SYNE1: variants seen among roughly 807,000 people sequenced by gnomAD.
SYNE1 encodes nesprin-1.
In SYNE1, 616 loss-of-function variants were observed where a neutral mutation model predicts 1,111.0. The observed-to-expected ratio is 0.55, with a 90% CI of 0.52 to 0.59. The LOEUF (loss-of-function observed/expected upper bound fraction) is 0.59. Among genes scored for constraint, SYNE1 ranks in the 20% least tolerant of loss-of-function variants. The pLI, the probability that SYNE1 is intolerant of heterozygous loss-of-function variation, is 0.00. For synonymous variants in SYNE1, 3,855 were observed against 3,825.8 expected, an observed-to-expected ratio of 1.01 and a Z score of -0.28; for missense variants, 10,006 against 10,417.0, an observed-to-expected ratio of 0.96 and a Z score of 1.72.
Position 152,331,780 on chromosome 6 carries a change from A to G in SYNE1, c.12905T>C (p.Met4302Thr), listed in dbSNP as rs1563136206. Residue 4302 changes from methionine (M) to threonine (T), a missense_variant, in exon 78 of 146, where the codon ATG (methionine) becomes ACG (threonine). Coordinates refer to ENST00000367255, the MANE Select transcript of SYNE1 (RefSeq NM_182961.4). Reference sequence around the variant, plus strand: ...GTCATCTAAATTCAGATGCTCTATCATTTTCTGCTTTTGATCTTTCAGATC... The same window carrying G: ...GTCATCTAAATTCAGATGCTCTATCGTTTTCTGCTTTTGATCTTTCAGATC... ...IEDLKDQKQK[M>T]IEHLNLDDKE... 6.2e-7 allele frequency: 1 copy of G among 1,614,028 alleles called. No individual in the cohort carries two copies. Among genetic ancestry groups the G allele is most frequent in the Non-Finnish European group, 8.5e-7 (1 of 1,180,006 alleles).
rs555436565 is a variant in SYNE1, at chr6:152,310,292, A to T, written c.17019+104T>A. 5.4e-4 allele frequency: 798 copies of T among 1,477,238 alleles called. 1 individual carries two copies. The highest frequency in any genetic ancestry group is 6.7e-4 in the Non-Finnish European group (719 of 1,079,702). 91.5% of individuals were successfully genotyped at this position (1,477,238 alleles called of 1,614,324 possible). A position where few individuals can be genotyped will look rare whatever the true frequency, so the allele number is the denominator to read the frequency against. On this transcript the variant is annotated intron_variant, in intron 89 of 145. Transcript: ENST00000367255. ...CCCTGTCTCTATTTAAAAATAAATTAAAAAAAATAAAACAGTGTTGAGTTT... is the reference window on the plus strand; with the variant it reads ...CCCTGTCTCTATTTAAAAATAAATTTAAAAAAATAAAACAGTGTTGAGTTT...
intron 12 of SYNE1, among the ~76,000 whole-genome samples, chr6:152,487,270 G>T (rs2098946110): frequency 6.6e-6 from 1 of 152,110 alleles, no homozygotes; most frequent in Admixed American, 6.5e-5. Context: ...TCATTGTTCA[G>T]CTCCCACTTA....
chr6:152,248,999 T>C, intron 105 of SYNE1, among the ~76,000 whole-genome samples, 162 bp downstream of exon 105: 1 of 152,196 alleles, frequency 6.6e-6, no homozygotes. Context: ...ACAGAGTCAA[T>C]GTCACCTGGT....
At chr6:152,584,938 A>C (rs1419821932) in intron 3 of SYNE1, among the ~76,000 whole-genome samples, 1 of 152,220 alleles carries the variant, frequency 6.6e-6, no homozygotes, top group Non-Finnish European at 1.5e-5. Flanking sequence ...GAAACATAAG[A>C]TGTTTTTAGC....
At chr6:152,251,240 C>T (rs1050434728) in intron 104 of SYNE1, among the ~76,000 whole-genome samples, 40 of 151,948 alleles carry the variant, frequency 2.6e-4, no homozygotes, top group African/African-American at 8.2e-4. Flanking sequence ...CGTGAGCCAC[C>T]GCACCCGGCC....
intron 44 of SYNE1, 45 bp downstream of exon 44, chr6:152,409,023 T>C (rs1217613024): frequency 3.8e-6 from 6 of 1,580,592 alleles, no homozygotes; most frequent in African/African-American, 2.7e-5. Context: ...GATTGGGGAA[T>C]GTGAATATTT....
intron 130 of SYNE1, among the ~76,000 whole-genome samples, chr6:152,173,341 A>C (rs576228927): frequency 2.9e-4 from 44 of 152,298 alleles, no homozygotes; most frequent in African/African-American, 1.0e-3. Context: ...ATTAGCTGAG[A>C]TGTTCACCTA....
chr6:152,254,244 CTTTTTTTTTTTTT>C (rs773598537), intron 104 of SYNE1, among the ~76,000 whole-genome samples: 18 of 73,166 alleles, frequency 2.5e-4, no homozygotes, highest in East Asian at 5.0e-4. Flanking sequence ...TCTGCATACT[CTTTTTTTTTTTTT>C]TTTTTTTTTT....
intron 51 of SYNE1, 23 bp from the exon 52 acceptor site, chr6:152,391,591 A>AAAAAAAAAG: frequency 6.4e-7 from 1 of 1,556,494 alleles, no homozygotes; most frequent in African/African-American, 1.5e-5. Flanking sequence ...AAAAAAAAAA[A>AAAAAAAAAG]AAAGAAAAAA....
intron 3 of SYNE1, among the ~76,000 whole-genome samples, chr6:152,603,909 ATCTATATATACAT>A (rs2099603678): frequency 6.8e-6 from 1 of 146,882 alleles, no homozygotes; most frequent in Admixed American, 6.9e-5. Context: ...TAGATATACT[ATCTATATATACAT>A]ATATGTATAT....
At chr6:152,166,426 A>T (rs1563162498) in intron 130 of SYNE1, among the ~76,000 whole-genome samples, 1 of 152,176 alleles carries the variant, frequency 6.6e-6, no homozygotes, top group Admixed American at 6.6e-5. Flanking sequence ...TAGATTCAAC[A>T]TTTGCCAGTG....
In SYNE1 at chr6:152,524,136, G is replaced by A. The variant is rs547762521; in HGVS notation, c.225+1944C>T. ...ATCCTTGTCTTGTTCCAGTTCTCAA[G>A]GGGAATGTTTTCAACTTTTCCCCAT... is the stretch of plus-strand genomic sequence containing the variant. On this transcript the variant is annotated intron_variant, in intron 5 of 145. Transcript: ENST00000367255. Among the ~76,000 whole-genome samples the A allele has an allele frequency of 2.6e-5, 4 of 152,184 alleles. No homozygotes were observed. The East Asian group carries it at 7.7e-4, about 29-fold the overall frequency.
chr6:152,455,482 C>A lies in SYNE1; in HGVS notation c.2836G>T (p.Ala946Ser). ...CCCTTTTCCTCCAGGCCCTCCTGAG[C>A]AATCCGCAGTACCTTCTCCAACTCT... ...RAELEKVLRI[A>S]QEGLEEKGDP... Residue 946 changes from alanine (A) to serine (S), a missense_variant, in exon 24 of 146, where the codon GCT becomes TCT. By Grantham distance (99) the Ala-to-Ser change is moderately conservative. This residue lies in a region of SYNE1 where 1,971 missense variants were observed against 2,084.1 expected (regional missense o/e 0.95). Transcript: ENST00000367255. 2 of 1,614,168 alleles carry A rather than the reference C, an allele frequency of 1.2e-6. No individual in the cohort carries two copies. Among genetic ancestry groups the A allele is most frequent in the Non-Finnish European group, 1.7e-6 (2 of 1,180,024 alleles).
rs1422077559 is a variant in SYNE1 at position 152,637,277 on chromosome 6, C to T, written c.-480G>A. The T allele has an allele frequency of 1.3e-5, 2 of 152,326 alleles. No individual in the cohort carries two copies. The highest frequency in any genetic ancestry group is 2.4e-5 in the African/African-American group (1 of 41,470). 9.4% of individuals were successfully genotyped at this position (152,326 alleles called of 1,614,324 possible). A position where few individuals can be genotyped will look rare whatever the true frequency, so the allele number is the denominator to read the frequency against. Reference sequence around the variant, plus strand: ...GCTCAGCGAGCCTTTATACCGGGACCACCTCCCGGGGGTCGAGGTGGGAAG... The same window carrying T: ...GCTCAGCGAGCCTTTATACCGGGACTACCTCCCGGGGGTCGAGGTGGGAAG... On this transcript the variant is annotated 5_prime_UTR_variant, in exon 1 of 146. Transcript: ENST00000367255.
chr6:152,376,707 C>A (rs1013778881), intron 57 of SYNE1, 69 bp downstream of exon 57: 1 of 1,597,444 alleles, frequency 6.3e-7, no homozygotes. Flanking sequence ...TGAAATTACA[C>A]CTTAAAATAA....
At chr6:152,211,438 A>G (rs1280299866) in intron 124 of SYNE1, 56 bp downstream of exon 124, 2 of 1,488,828 alleles carry the variant, frequency 1.3e-6, no homozygotes, top group African/African-American at 1.4e-5. Flanking sequence ...CTCATTAAAA[A>G]GAAAATGACT....
intron 97 of SYNE1, 60 bp from the exon 98 acceptor site, chr6:152,278,340 T>C: frequency 1.9e-6 from 3 of 1,588,460 alleles, no homozygotes; most frequent in Non-Finnish European, 1.7e-6. Flanking sequence ...CAAAGACTGT[T>C]TCCCACAGTG....
Position 152,465,318 on chromosome 6 carries a change from A to G in SYNE1, c.1872T>C (p.Ser624=), listed in dbSNP as rs770271378. ...CAGCATCCTCTAGCCAGGCTTGCAG[A>G]CTAGCCACTGTATTGCCATAGCGAT... is the stretch of plus-strand genomic sequence containing the variant. ...NWDRYGNTVA[S]LQAWLEDAEK... is the part of the protein sequence containing the mutation. Residue 624 remains serine (S), a synonymous_variant, in exon 18 of 146, where the codon AGT becomes AGC. Transcript: ENST00000367255. 1 of 1,613,812 alleles carries G rather than the reference A, an allele frequency of 6.2e-7. No homozygotes were observed.
intron 78 of SYNE1, among the ~76,000 whole-genome samples, chr6:152,328,691 C>T (rs1490719879): frequency 6.6e-6 from 1 of 152,056 alleles, no homozygotes; most frequent in South Asian, 2.1e-4. Flanking sequence ...GGATTAAAGG[C>T]GTGAGCCACC....
Sources: allele counts gnomAD v4.1 joint callset (sites outside exome capture counted in the v4.1 genomes callset), GRCh38; gene constraint gnomAD v4.1.1; regional missense constraint gnomAD v4.1.1; transcripts MANE v1.5; gene names NCBI Gene and HGNC (gene_info 2026-07-23, HGNC 2026-07-21).